Variants in INSR observed in about 807,000 individuals in gnomAD.
The protein encoded by INSR is insulin receptor, also known as IR.
In INSR, 67 loss-of-function variants were observed where a neutral mutation model predicts 142.6. The ratio of observed to expected loss-of-function variants is 0.47; its 90% CI spans 0.39 to 0.58. The LOEUF (loss-of-function observed/expected upper bound fraction) is 0.58, where lower values mean the gene tolerates loss of function less well. Ranked by LOEUF, INSR falls within the 20% of genes least tolerant of loss-of-function variation. INSR has a pLI of 0.00. For missense variants in INSR, 1,248 were observed against 1,833.2 expected, an observed-to-expected ratio of 0.68 and a Z score of 5.83; for synonymous variants, 756 against 743.1, an observed-to-expected ratio of 1.02 and a Z score of -0.28.
intron 2 of INSR, among the ~76,000 whole-genome samples, chr19:7,230,830 A>T (rs1200048894): frequency 6.7e-6 from 1 of 149,698 alleles, no homozygotes; most frequent in African/African-American, 2.5e-5. Context: ...AATAAAAAAT[A>T]TTAGCTCAAG....
chr19:7,210,080 C>T (rs1975228288), intron 2 of INSR, among the ~76,000 whole-genome samples: 1 of 151,962 alleles, frequency 6.6e-6, no homozygotes, highest in African/African-American at 2.4e-5. Flanking sequence ...CGCAGTGGCT[C>T]ACACCCGTAA....
At chr19:7,204,863 T>G (rs547800890) in intron 2 of INSR, among the ~76,000 whole-genome samples, 24 of 152,288 alleles carry the variant, frequency 1.6e-4, no homozygotes, top group African/African-American at 4.8e-4. Context: ...GGCAGAGCAC[T>G]TGAGGTCAGG....
intron 2 of INSR, among the ~76,000 whole-genome samples, chr19:7,218,821 GGT>G (rs1344182726): frequency 6.6e-6 from 1 of 152,196 alleles, no homozygotes; most frequent in African/African-American, 2.4e-5. Flanking sequence ...TGAGATTACA[GGT>G]GTGAGATTAA....
At chr19:7,148,741 G>C (rs764230665) in intron 11 of INSR, among the ~76,000 whole-genome samples, 11 of 145,912 alleles carry the variant, frequency 7.5e-5, no homozygotes, top group Non-Finnish European at 1.3e-4. Flanking sequence ...GCCTCTCAAA[G>C]TGTTGGGATT....
chr19:7,140,937 G>A (rs933935621), intron 13 of INSR, among the ~76,000 whole-genome samples: 28 of 152,076 alleles, frequency 1.8e-4, no homozygotes, highest in African/African-American at 6.3e-4. Flanking sequence ...GGTTCTTTTG[G>A]GTTATTTGTC....
intron 2 of INSR, among the ~76,000 whole-genome samples, chr19:7,251,134 A>G (rs540565965): frequency 6.6e-6 from 1 of 152,130 alleles, no homozygotes; most frequent in East Asian, 1.9e-4. Flanking sequence ...GTACACACAC[A>G]TTCCCTGGAG....
intron 2 of INSR, among the ~76,000 whole-genome samples, chr19:7,234,757 C>CT (rs1006559640): frequency 6.6e-6 from 1 of 152,070 alleles, no homozygotes; most frequent in African/African-American, 2.4e-5. Context: ...TTTCAAAAAT[C>CT]TCTTCTTAAA....
chr19:7,214,597 C>G (rs1975374761), intron 2 of INSR, among the ~76,000 whole-genome samples: 1 of 152,098 alleles, frequency 6.6e-6, no homozygotes, highest in Admixed American at 6.5e-5. Flanking sequence ...AGGTTTTAAA[C>G]CTCTATCATC....
chr19:7,211,600 G>A (rs538311667), intron 2 of INSR, among the ~76,000 whole-genome samples: 69 of 152,226 alleles, frequency 4.5e-4, no homozygotes, highest in African/African-American at 1.6e-3. Context: ...AAAGAAAAGT[G>A]CACCATCAAT....
chr19:7,285,182 G>A (rs571543318), intron 1 of INSR, among the ~76,000 whole-genome samples: 1 of 152,156 alleles, frequency 6.6e-6, no homozygotes, highest in South Asian at 2.1e-4. Context: ...CGGGCACAGT[G>A]GCTCGCGCCT....
intron 2 of INSR, among the ~76,000 whole-genome samples, chr19:7,215,970 G>A (rs777833087): frequency 6.6e-6 from 1 of 152,064 alleles, no homozygotes; most frequent in Non-Finnish European, 1.5e-5. Context: ...GGGAAATTCC[G>A]ACGGGAATTG....
intron 2 of INSR, among the ~76,000 whole-genome samples, chr19:7,204,852 G>A (rs1182375756): frequency 2.0e-5 from 3 of 152,150 alleles, no homozygotes; most frequent in Non-Finnish European, 4.4e-5. Context: ...AGGCCGAGGC[G>A]GGCAGAGCAC....
intron 2 of INSR, among the ~76,000 whole-genome samples, chr19:7,246,486 G>C (rs1600087097): frequency 2.0e-5 from 3 of 152,176 alleles, no homozygotes. Flanking sequence ...CCCACTGGTT[G>C]ATCCCAGACA....
chr19:7,276,668 G>A (rs1489368208), intron 1 of INSR, among the ~76,000 whole-genome samples: 1 of 152,090 alleles, frequency 6.6e-6, no homozygotes, highest in Non-Finnish European at 1.5e-5. Context: ...TCAACTGTGT[G>A]ATCCTGGACA....
At chr19:7,165,980 G>T (rs1286542091) in intron 8 of INSR, among the ~76,000 whole-genome samples, 174 bp downstream of exon 8, 1 of 149,484 alleles carries the variant, frequency 6.7e-6, no homozygotes, top group Non-Finnish European at 1.5e-5. Flanking sequence ...AGTGAGCCAT[G>T]ATCACCCCAC....
intron 1 of INSR, among the ~76,000 whole-genome samples, chr19:7,290,721 G>A (rs768314460): frequency 2.7e-5 from 4 of 148,806 alleles, no homozygotes; most frequent in Non-Finnish European, 4.4e-5. Flanking sequence ...CGCAAAGATC[G>A]TGTCACTGCA....
Position 7,174,630 on chromosome 19 carries a change from C to T in INSR, c.1076G>A (p.Gly359Glu), listed in dbSNP as rs1974094229. The change falls in exon 4 of 22, where the codon GGA becomes GAA. Residue 359 changes from glycine to glutamate, a missense_variant. Transcript: ENST00000302850. ...CAGACTCCCGTTGATGACGGTGCAT[C>T]CTCGGAGCTCCTGGGCAGACGTCAC... is the stretch of plus-strand genomic sequence containing the variant. ...DSVTSAQELR[G>E]CTVINGSLII... 1.9e-6 allele frequency: 3 copies of T among 1,614,064 alleles called. No individual in the cohort carries two copies. Among genetic ancestry groups the T allele is most frequent in the East Asian group, 4.5e-5 (2 of 44,876 alleles).
intron 8 of INSR, among the ~76,000 whole-genome samples, chr19:7,165,755 C>G (rs971323544): frequency 6.6e-6 from 1 of 150,898 alleles, no homozygotes; most frequent in African/African-American, 2.4e-5. Context: ...CCCAGCTACT[C>G]AGGAGGCTGA....
At chr19:7,249,968 G>T (rs1976660126) in intron 2 of INSR, among the ~76,000 whole-genome samples, 1 of 151,610 alleles carries the variant, frequency 6.6e-6, no homozygotes, top group Non-Finnish European at 1.5e-5. Flanking sequence ...CTCCAACCTG[G>T]GCAACAGAGC....
Sources: allele counts gnomAD v4.1 joint callset (sites outside exome capture counted in the v4.1 genomes callset), GRCh38; gene constraint gnomAD v4.1.1; transcripts MANE v1.5; gene names NCBI Gene and HGNC (gene_info 2026-07-23, HGNC 2026-07-21).